ARHGAP24: variants seen among roughly 807,000 people sequenced by gnomAD.
ARHGAP24 encodes rho GTPase-activating protein 24.
A neutral mutation model predicts 76.4 loss-of-function variants in ARHGAP24; 50 were observed. That is an observed-to-expected ratio of 0.65 (90% CI 0.52 to 0.83). The LOEUF (loss-of-function observed/expected upper bound fraction) is 0.83. ARHGAP24 is among the 40% of genes least tolerant of loss of function. The pLI, the probability that ARHGAP24 is intolerant of heterozygous loss-of-function variation, is 0.00. For missense variants in ARHGAP24, 930 were observed against 914.2 expected (o/e 1.02, Z -0.22); for synonymous variants, 345 against 323.3 (o/e 1.07, Z -0.72).
intron 1 of ARHGAP24, among the ~76,000 whole-genome samples, chr4:85,480,861 A>C (rs1284822409): frequency 1.3e-5 from 2 of 152,200 alleles, no homozygotes; most frequent in Non-Finnish European, 2.9e-5. Context: ...GTCGCTGAGA[A>C]GGGTAAGAGA....
intron 3 of ARHGAP24, among the ~76,000 whole-genome samples, chr4:85,894,954 C>A: frequency 1.4e-5 from 1 of 71,706 alleles, no homozygotes; most frequent in Non-Finnish European, 2.4e-5. Context: ...GAATGAGACT[C>A]CCTCTCAAAA....
intron 3 of ARHGAP24, among the ~76,000 whole-genome samples, chr4:85,887,328 T>C (rs2148774732): frequency 6.6e-6 from 1 of 152,284 alleles, no homozygotes; most frequent in Middle Eastern, 3.4e-3. Context: ...AAGTTTCTTC[T>C]CATCCAAGGT....
intron 2 of ARHGAP24, among the ~76,000 whole-genome samples, chr4:85,696,757 A>G (rs751846559): frequency 2.0e-5 from 3 of 152,232 alleles, no homozygotes; most frequent in East Asian, 3.8e-4. Context: ...AATCATGTTC[A>G]TAGCTAAATC....
chr4:85,530,126 T>C (rs1037215817), intron 1 of ARHGAP24, among the ~76,000 whole-genome samples: 5 of 152,008 alleles, frequency 3.3e-5, no homozygotes, highest in Admixed American at 2.6e-4. Flanking sequence ...AAAATTGAAG[T>C]CCCATATACT....
At chr4:85,821,434 C>T (rs1560651362) in intron 3 of ARHGAP24, among the ~76,000 whole-genome samples, 1 of 152,208 alleles carries the variant, frequency 6.6e-6, no homozygotes, top group Non-Finnish European at 1.5e-5. Flanking sequence ...GGTGCAGTGG[C>T]ACAGTCATAG....
chr4:85,721,859 G>A, intron 2 of ARHGAP24, 26 bp from the exon 3 acceptor site: 1 of 1,578,204 alleles, frequency 6.3e-7, no homozygotes, highest in East Asian at 2.2e-5. Flanking sequence ...TGATGATGTT[G>A]ATGTTTTGGG....
At chr4:85,708,422 A>C (rs1438522461) in intron 2 of ARHGAP24, among the ~76,000 whole-genome samples, 1 of 151,844 alleles carries the variant, frequency 6.6e-6, no homozygotes, top group Non-Finnish European at 1.5e-5. Context: ...TCTGTGTAAG[A>C]CTCTTTTTTT....
At chr4:85,997,326 T>TGATAGATA (rs70948773) in intron 9 of ARHGAP24, among the ~76,000 whole-genome samples, 20 of 142,406 alleles carry the variant, frequency 1.4e-4, no homozygotes, top group South Asian at 6.4e-4. Flanking sequence ...GATAGATAGA[T>TGATAGATA]GATAGATAGA....
chr4:85,689,255 T>A (rs1451489282), intron 2 of ARHGAP24, among the ~76,000 whole-genome samples: 1 of 152,214 alleles, frequency 6.6e-6, no homozygotes, highest in South Asian at 2.1e-4. Context: ...CTTGTAGAGA[T>A]CTTTCACCTC....
chr4:85,916,608 CTGTAGTCTGTAATAAAA>C (rs1187482502), intron 3 of ARHGAP24, among the ~76,000 whole-genome samples: 1 of 152,112 alleles, frequency 6.6e-6, no homozygotes, highest in African/African-American at 2.4e-5. Context: ...CAGTATTTTT[CTGTAGTCTGTAATAAAA>C]TGGATAGTAG....
intron 3 of ARHGAP24, among the ~76,000 whole-genome samples, chr4:85,894,099 TAA>T (rs11394803): frequency 2.3e-5 from 3 of 131,352 alleles, no homozygotes; most frequent in Non-Finnish European, 3.2e-5. Context: ...TAGAGTATAA[TAA>T]AAAAAAAAAA....
chr4:85,934,608 G>A (rs1166486739), intron 4 of ARHGAP24, among the ~76,000 whole-genome samples: 3 of 152,066 alleles, frequency 2.0e-5, no homozygotes, highest in East Asian at 1.9e-4. Flanking sequence ...TCCGCCTCCC[G>A]GGTTCAAGTG....
At chr4:85,791,824 CA>C (rs1263147861) in intron 3 of ARHGAP24, among the ~76,000 whole-genome samples, 5 of 151,688 alleles carry the variant, frequency 3.3e-5, no homozygotes, top group African/African-American at 7.3e-5. Flanking sequence ...GACATGGAGG[CA>C]AAAAAAATTT....
intron 2 of ARHGAP24, among the ~76,000 whole-genome samples, chr4:85,640,124 C>T (rs184059721): frequency 1.3e-5 from 2 of 152,152 alleles, no homozygotes; most frequent in Admixed American, 1.3e-4. Context: ...CCCTCAACAA[C>T]CTCTTTTATC....
At chr4:85,795,020 T>G (rs908232556) in intron 3 of ARHGAP24, among the ~76,000 whole-genome samples, 1 of 152,184 alleles carries the variant, frequency 6.6e-6, no homozygotes, top group African/African-American at 2.4e-5. Context: ...GAATAATGTT[T>G]ACTCAGCAAA....
rs111475884 is a variant in ARHGAP24, at chr4:85,910,104, C to T, written c.269-13544C>T. On this transcript the variant is annotated intron_variant, in intron 3 of 9. Coordinates refer to ENST00000395184, the MANE Select transcript of ARHGAP24 (RefSeq NM_001025616.3). Reference sequence around the variant, plus strand: ...GCAGCTCCAGGTGCCGGCACAGGCACTGGCTCTCAGCCAGGCTGCGGCTAG... The same window carrying T: ...GCAGCTCCAGGTGCCGGCACAGGCATTGGCTCTCAGCCAGGCTGCGGCTAG... Among the ~76,000 whole-genome samples, 373 of 152,330 alleles carry T rather than the reference C, an allele frequency of 2.4e-3. 2 individuals carry two copies. Among genetic ancestry groups the T allele is most frequent in the African/African-American group, 8.6e-3 (356 of 41,582 alleles).
chr4:85,664,429 T>C (rs1722528315), intron 2 of ARHGAP24, among the ~76,000 whole-genome samples: 1 of 151,272 alleles, frequency 6.6e-6, no homozygotes, highest in Non-Finnish European at 1.5e-5. Flanking sequence ...TTGCTAGCAG[T>C]CTATCAATTT....
chr4:85,637,318 A>G (rs1348239410), intron 2 of ARHGAP24, among the ~76,000 whole-genome samples: 1 of 152,238 alleles, frequency 6.6e-6, no homozygotes, highest in Non-Finnish European at 1.5e-5. Flanking sequence ...GATCTTTTGC[A>G]TCAAATTTTT....
chr4:85,954,654 G>A (rs948142057), intron 5 of ARHGAP24, among the ~76,000 whole-genome samples: 1 of 152,158 alleles, frequency 6.6e-6, no homozygotes, highest in African/African-American at 2.4e-5. Context: ...TAAAATGCTC[G>A]GCAGCACATA....
Sources: allele counts gnomAD v4.1 joint callset (sites outside exome capture counted in the v4.1 genomes callset), GRCh38; gene constraint gnomAD v4.1.1; transcripts MANE v1.5; gene names NCBI Gene and HGNC (gene_info 2026-07-23, HGNC 2026-07-21).